The following S100A12 variants were observed in gnomAD, a reference collection of about 807,000 sequenced individuals.
S100A12 encodes the protein protein S100-A12.
In S100A12, 3 loss-of-function variants were observed where a neutral mutation model predicts 4.0. The ratio of observed to expected loss-of-function variants is 0.75; its 90% CI spans 0.34 to 1.94. The LOEUF is 1.94. Among genes scored for constraint, S100A12 ranks in the 30% most tolerant of loss-of-function variants. The probability of loss-of-function intolerance (pLI) is 0.07; values close to 1 mark genes in which losing one functional copy is unlikely to be tolerated. For synonymous variants in S100A12, 50 were observed against 41.4 expected (o/e 1.21, Z -0.79); for missense variants, 122 against 107.0 (o/e 1.14, Z -0.62).
intron 2 of S100A12, 23 bp downstream of exon 2, chr1:153,374,432 G>A: frequency 6.2e-7 from 1 of 1,604,998 alleles, no homozygotes; most frequent in Non-Finnish European, 8.5e-7. Flanking sequence ...GGGCAAGTTT[G>A]CAGTGAGAGG....
chr1:153,374,335 G>T, intron 2 of S100A12, 120 bp downstream of exon 2: 1 of 921,232 alleles, frequency 1.1e-6, no homozygotes, highest in Non-Finnish European at 1.6e-6. Flanking sequence ...AGCATCCTTT[G>T]GGAGCTCAAA....
intron 2 of S100A12, 52 bp from the exon 3 acceptor site, chr1:153,374,019 C>T: frequency 1.3e-6 from 2 of 1,570,118 alleles, no homozygotes; most frequent in South Asian, 1.1e-5. Flanking sequence ...CACACAAGAC[C>T]CTTTCTTAGG....
rs761048858 is a variant in S100A12, at chr1:153,373,898, C to T, written c.208G>A (p.Asp70Asn). The stretch of plus-strand genomic sequence containing the variant: ...ACCAGGGATATGAATTCTTGAAAGT[C>T]GACCTGTTCATCTTGATTAGCATCC... ...GLDANQDEQVDFQEFISLVAI... is the reference protein window; with the variant it reads ...GLDANQDEQVNFQEFISLVAI... The change falls in exon 3 of 3, where the codon GAC (aspartate) becomes AAC (asparagine). Residue 70 changes from aspartate (D) to asparagine (N), a missense_variant. Asp to Asn is a conservative substitution (Grantham distance 23, BLOSUM62 1). Transcript: ENST00000368737. The T allele has an allele frequency of 1.9e-6, 3 of 1,612,588 alleles. No individual in the cohort carries two copies. The highest frequency in any genetic ancestry group is 2.5e-6 in the Non-Finnish European group (3 of 1,178,592).
intron 1 of S100A12, 131 bp from the exon 2 acceptor site, chr1:153,374,743 CT>C: frequency 1.5e-6 from 1 of 647,782 alleles, no homozygotes; most frequent in Non-Finnish European, 2.7e-6. Flanking sequence ...GGTCTCTGCT[CT>C]GTTTGATCCA....
Position 153,374,050 on chromosome 1 carries a change from G to T in S100A12, c.139-83C>A, listed in dbSNP as rs2233863. 6,443 of 1,282,812 alleles carry T rather than the reference G, an allele frequency of 5.0e-3. 240 individuals carry two copies. In the African/African-American group the frequency reaches 0.082, roughly 16 times the overall value. The allele number at this position is 1,282,812 out of a possible 1,614,324, so 79.5% of individuals were successfully genotyped here. ...TTAGGCCTCTTATCCCTCAGAGCTCGGGTTGTGAAGGCCCAGGCACATTAA... is the reference window on the plus strand; with the variant it reads ...TTAGGCCTCTTATCCCTCAGAGCTCTGGTTGTGAAGGCCCAGGCACATTAA... On this transcript the variant is annotated intron_variant, in intron 2 of 2. Coordinates refer to ENST00000368737, the MANE Select transcript of S100A12 (RefSeq NM_005621.2).
rs778361145 is a variant in S100A12, at chr1:153,374,578, T to C, written c.15A>G (p.Glu5=). The C allele has an allele frequency of 6.2e-7, 1 of 1,613,836 alleles. No homozygotes were observed. The highest frequency in any genetic ancestry group is 1.1e-5 in the South Asian group (1 of 91,048). ...TATTGACAATTCCCTCCAGATGCTC[T>C]TCAAGTTTTGTCATCTTCCCAGCCT... The part of the protein sequence containing the change: MTKL[E]EHLEGIVNIF... Residue 5 remains glutamate (E), a synonymous_variant, in exon 2 of 3, where the codon GAA becomes GAG. Transcript: ENST00000368737.
chr1:153,375,073 GTC>G (rs1030582153), intron 1 of S100A12, among the ~76,000 whole-genome samples: 7 of 152,116 alleles, frequency 4.6e-5, no homozygotes, highest in African/African-American at 1.7e-4. Flanking sequence ...TTGAGACGGA[GTC>G]TCACTCTGCC....
intron 2 of S100A12, 91 bp downstream of exon 2, chr1:153,374,364 C>G (rs1571159735): frequency 1.5e-6 from 2 of 1,356,828 alleles, no homozygotes; most frequent in Non-Finnish European, 2.0e-6. Context: ...AACCCCACCC[C>G]AGTCCTTGTC....
intron 2 of S100A12, 128 bp downstream of exon 2, chr1:153,374,327 C>A (rs761750532): frequency 4.8e-6 from 4 of 832,574 alleles, no homozygotes; most frequent in Admixed American, 2.7e-5. Context: ...GCGGGGAGAG[C>A]ATCCTTTGGG....
At chr1:153,374,371 T>A in intron 2 of S100A12, 84 bp downstream of exon 2, 1 of 1,424,880 alleles carries the variant, frequency 7.0e-7, no homozygotes, top group Non-Finnish European at 9.6e-7. Flanking sequence ...CCCCAGTCCT[T>A]GTCCCACCAT....
chr1:153,373,722 G>A lies in S100A12; in HGVS notation c.*105C>T, dbSNP rs1391437913. Reference sequence around the variant, plus strand: ...ACACTATTCAGAACTTTTCGTGAGTGTGTTTATTAACTCTTACTCCCCACG... The same window carrying A: ...ACACTATTCAGAACTTTTCGTGAGTATGTTTATTAACTCTTACTCCCCACG... On this transcript the variant is annotated 3_prime_UTR_variant, in exon 3 of 3. Transcript: ENST00000368737. The A allele has an allele frequency of 2.1e-6, 2 of 948,588 alleles. No individual in the cohort carries two copies. The highest frequency in any genetic ancestry group is 3.3e-5 in the African/African-American group (2 of 60,766). 58.8% of individuals were successfully genotyped at this position (948,588 alleles called of 1,614,324 possible).
In S100A12 at chr1:153,374,493, T is replaced by G. The variant is rs771004168; in HGVS notation, c.100A>C (p.Lys34Gln). ...HFDTLSKGELKQLLTKELANT... is the reference protein window; with the variant it reads ...HFDTLSKGELQQLLTKELANT... ...GCAAGCTCCTTTGTAAGCAGCTGCT[T>G]CAGCTCACCCTTAGAGAGGGTGTCA... The change falls in exon 2 of 3, where the codon AAG becomes CAG. Residue 34 changes from lysine to glutamine, a missense_variant. Lys to Gln is a moderately conservative substitution (Grantham distance 53). Coordinates refer to ENST00000368737, the MANE Select transcript of S100A12 (RefSeq NM_005621.2). 5.0e-6 allele frequency: 8 copies of G among 1,614,094 alleles called. No homozygotes were observed. The South Asian group carries it at 8.8e-5, about 18-fold the overall frequency.
chr1:153,375,033 T>C (rs1039348789), intron 1 of S100A12, among the ~76,000 whole-genome samples: 1 of 152,058 alleles, frequency 6.6e-6, no homozygotes, highest in African/African-American at 2.4e-5. Context: ...GTTGTTGTTT[T>C]GGGTTTTTTG....
Position 153,373,901 on chromosome 1 carries a change from C to A in S100A12, c.205G>T (p.Val69Phe). 1 of 1,612,698 alleles carries A rather than the reference C, an allele frequency of 6.2e-7. No individual in the cohort carries two copies. Reference protein sequence around the residue: ...QGLDANQDEQVDFQEFISLVA... With the variant: ...QGLDANQDEQFDFQEFISLVA... ...AGGGATATGAATTCTTGAAAGTCGACCTGTTCATCTTGATTAGCATCCAGG... is the reference window on the plus strand; with the variant it reads ...AGGGATATGAATTCTTGAAAGTCGAACTGTTCATCTTGATTAGCATCCAGG... The change falls in exon 3 of 3, where the codon GTC (valine) becomes TTC (phenylalanine). Residue 69 changes from valine (V) to phenylalanine (F), a missense_variant. Coordinates refer to ENST00000368737, the MANE Select transcript of S100A12 (RefSeq NM_005621.2).
rs1661670294 is a variant in S100A12 at position 153,373,744 on chromosome 1, C to T, written c.*83G>A. 5 of 1,195,016 alleles carry T rather than the reference C, an allele frequency of 4.2e-6. No homozygotes were observed. Among genetic ancestry groups the T allele is most frequent in the Admixed American group, 1.9e-5 (1 of 52,764 alleles). 74.0% of individuals were successfully genotyped at this position (1,195,016 alleles called of 1,614,324 possible). A position where few individuals can be genotyped will look rare whatever the true frequency, so the allele number is the denominator to read the frequency against. ...AGTGTGTTTATTAACTCTTACTCCCCACGGGCAAGGCTGGGTTTTGGTGAG... is the reference window on the plus strand; with the variant it reads ...AGTGTGTTTATTAACTCTTACTCCCTACGGGCAAGGCTGGGTTTTGGTGAG... On this transcript the variant is annotated 3_prime_UTR_variant, in exon 3 of 3. Coordinates refer to ENST00000368737, the MANE Select transcript of S100A12 (RefSeq NM_005621.2).
chr1:153,374,744 T>C (rs943286523), intron 1 of S100A12, 132 bp from the exon 2 acceptor site: 15 of 647,488 alleles, frequency 2.3e-5, no homozygotes, highest in Admixed American at 5.6e-5. Flanking sequence ...GTCTCTGCTC[T>C]GTTTGATCCA....
Position 153,373,803 on chromosome 1 carries a change from G to T in S100A12, c.*24C>A, listed in dbSNP as rs1452249804. On this transcript the variant is annotated 3_prime_UTR_variant, in exon 3 of 3. Coordinates refer to ENST00000368737, the MANE Select transcript of S100A12 (RefSeq NM_005621.2). ...AAGACCCTCATTGAGGACATTGCTG[G>T]GTAAAAAGCCTTCAGAGAGCTACCT... 4 of 1,607,376 alleles carry T rather than the reference G, an allele frequency of 2.5e-6. No homozygotes were observed. Among genetic ancestry groups the T allele is most frequent in the African/African-American group, 1.3e-5 (1 of 74,918 alleles).
chr1:153,374,143 C>T (rs556984715), intron 2 of S100A12, 176 bp from the exon 3 acceptor site: 21 of 741,568 alleles, frequency 2.8e-5, no homozygotes, highest in South Asian at 2.6e-4. Flanking sequence ...TCATGAACCA[C>T]CCTGGAATTA....
chr1:153,374,028 G>T, intron 2 of S100A12, 61 bp from the exon 3 acceptor site: 1 of 1,523,968 alleles, frequency 6.6e-7, no homozygotes, highest in Non-Finnish European at 9.1e-7. Flanking sequence ...CCCTTTCTTA[G>T]GCCTCTTATC....
Sources: allele counts gnomAD v4.1 joint callset (sites outside exome capture counted in the v4.1 genomes callset), GRCh38; gene constraint gnomAD v4.1.1; transcripts MANE v1.5; gene names NCBI Gene and HGNC (gene_info 2026-07-23, HGNC 2026-07-21).